STAU2: variants seen among roughly 807,000 people sequenced by gnomAD.
STAU2 encodes the protein staufen double-stranded RNA binding protein 2.
A neutral mutation model predicts 65.9 loss-of-function variants in STAU2; 20 were observed. The observed-to-expected ratio is 0.30, with a 90% CI of 0.21 to 0.44. The LOEUF is 0.44. Ranked by LOEUF, STAU2 falls within the 20% of genes least tolerant of loss-of-function variation. STAU2 has a pLI of 1.00. For synonymous variants in STAU2, 232 were observed against 233.9 expected (o/e 0.99, Z 0.07); for missense variants, 558 against 683.9 (o/e 0.82, Z 2.05).
chr8:73,468,454 T>C (rs1329981135), intron 13 of STAU2, among the ~76,000 whole-genome samples: 1 of 152,042 alleles, frequency 6.6e-6, no homozygotes, highest in Admixed American at 6.6e-5. Flanking sequence ...AATTGACAAA[T>C]GGGATCTAAT....
chr8:73,618,340 T>C (rs1240049577), intron 6 of STAU2, among the ~76,000 whole-genome samples: 1 of 152,040 alleles, frequency 6.6e-6, no homozygotes, highest in East Asian at 1.9e-4. Context: ...ATTGAGAAAA[T>C]ATCAATTGTG....
intron 4 of STAU2, among the ~76,000 whole-genome samples, chr8:73,697,134 A>C (rs1216257640): frequency 6.6e-6 from 1 of 152,048 alleles, no homozygotes; most frequent in African/African-American, 2.4e-5. Context: ...CCTCACTGCA[A>C]CCTCCACCTC....
At chr8:73,570,328 A>G (rs1019722010) in intron 12 of STAU2, among the ~76,000 whole-genome samples, 7 of 152,232 alleles carry the variant, frequency 4.6e-5, no homozygotes, top group Non-Finnish European at 8.8e-5. Context: ...GACCAAATCT[A>G]CGTCTGATTG....
intron 14 of STAU2, 54 bp from the exon 15 acceptor site, chr8:73,421,519 G>A: frequency 1.3e-6 from 2 of 1,510,390 alleles, no homozygotes; most frequent in Non-Finnish European, 1.8e-6. Context: ...CACATCTTCA[G>A]ACATGTTTAT....
chr8:73,614,988 T>TA (rs1293247365), intron 8 of STAU2, among the ~76,000 whole-genome samples: 3 of 152,088 alleles, frequency 2.0e-5, no homozygotes, highest in African/African-American at 7.2e-5. Flanking sequence ...TGCCAATGAG[T>TA]AAGATGTGGG....
intron 13 of STAU2, among the ~76,000 whole-genome samples, chr8:73,542,010 C>CT (rs900472161): frequency 6.6e-6 from 1 of 151,992 alleles, no homozygotes; most frequent in African/African-American, 2.4e-5. Flanking sequence ...AGGTAGAAAA[C>CT]TTTTTTGGAA....
chr8:73,531,021 C>T (rs1805773201), intron 13 of STAU2, among the ~76,000 whole-genome samples: 1 of 152,154 alleles, frequency 6.6e-6, no homozygotes, highest in Non-Finnish European at 1.5e-5. Flanking sequence ...GTAGCAGCTT[C>T]CTCTACCCTA....
intron 13 of STAU2, among the ~76,000 whole-genome samples, chr8:73,522,486 ATGAC>A (rs748967411): frequency 6.6e-6 from 1 of 152,218 alleles, no homozygotes; most frequent in Non-Finnish European, 1.5e-5. Context: ...TAAAAAATAA[ATGAC>A]TGACAAGTTC....
At chr8:73,617,228 A>G in intron 7 of STAU2, 64 bp downstream of exon 7, 1 of 1,555,712 alleles carries the variant, frequency 6.4e-7, no homozygotes, top group Non-Finnish European at 8.7e-7. Context: ...TAATTATAAA[A>G]TGCTCTGATT....
At chr8:73,539,954 C>T (rs1456178803) in intron 13 of STAU2, among the ~76,000 whole-genome samples, 2 of 150,586 alleles carry the variant, frequency 1.3e-5, no homozygotes, top group East Asian at 3.9e-4. Context: ...AATGAAGTCC[C>T]AGAAGGAAAA....
chr8:73,687,243 A>T (rs1485777346), intron 5 of STAU2, among the ~76,000 whole-genome samples: 11 of 105,466 alleles, frequency 1.0e-4, no homozygotes, highest in Admixed American at 5.3e-4. Flanking sequence ...AATTAATTTA[A>T]ATATAAATTA....
intron 6 of STAU2, among the ~76,000 whole-genome samples, chr8:73,631,370 C>A: frequency 1.3e-5 from 2 of 148,286 alleles, no homozygotes; most frequent in African/African-American, 5.0e-5. Flanking sequence ...AGTGAGACCT[C>A]ATCTCTTAAA....
At chr8:73,723,899 T>C (rs143077680) in intron 3 of STAU2, among the ~76,000 whole-genome samples, 2 of 152,366 alleles carry the variant, frequency 1.3e-5, no homozygotes, top group South Asian at 2.1e-4. Context: ...CTGAATGACA[T>C]ACCTTGTTAA....
chr8:73,582,454 T>TA (rs1385131775), intron 12 of STAU2, among the ~76,000 whole-genome samples: 2 of 150,182 alleles, frequency 1.3e-5, no homozygotes, highest in African/African-American at 4.9e-5. Flanking sequence ...TTATATTATT[T>TA]AAATTATTTT....
intron 13 of STAU2, chr8:73,551,811 T>C: frequency 8.0e-7 from 1 of 1,254,820 alleles, no homozygotes; most frequent in Non-Finnish European, 1.0e-6. Context: ...AGCAAAAGAA[T>C]TACTAGATAG....
At chr8:73,739,117 C>T (rs1806646129) in intron 2 of STAU2, among the ~76,000 whole-genome samples, 1 of 151,102 alleles carries the variant, frequency 6.6e-6, no homozygotes, top group South Asian at 2.1e-4. Flanking sequence ...CCTGTAATCT[C>T]AGCTACTCAG....
intron 13 of STAU2, among the ~76,000 whole-genome samples, chr8:73,452,855 G>A (rs1469840064): frequency 6.6e-6 from 1 of 152,154 alleles, no homozygotes; most frequent in Non-Finnish European, 1.5e-5. Context: ...CTAATTTATA[G>A]CACCGTAAAG....
rs72659432 is a variant in STAU2, at chr8:73,421,078, C to T, written c.*294G>A. 1 of 291,998 alleles carries T rather than the reference C, an allele frequency of 3.4e-6. No individual in the cohort carries two copies. 18.1% of individuals were successfully genotyped at this position (291,998 alleles called of 1,614,324 possible). A position where few individuals can be genotyped will look rare whatever the true frequency, so the allele number is the denominator to read the frequency against. On this transcript the variant is annotated 3_prime_UTR_variant, in exon 15 of 15. Coordinates refer to ENST00000524300, the MANE Select transcript of STAU2 (RefSeq NM_001164380.2). ...TCATGTTAAAATTTTAGCTTTGTTT[C>T]TAACACTTTTCTTTACTTGTTATTT...
chr8:73,438,746 G>C (rs1389280567), intron 13 of STAU2, among the ~76,000 whole-genome samples: 1 of 152,184 alleles, frequency 6.6e-6, no homozygotes, highest in African/African-American at 2.4e-5. Context: ...GGCTGTGTAG[G>C]CCTCTCATCT....
Sources: allele counts gnomAD v4.1 joint callset (sites outside exome capture counted in the v4.1 genomes callset), GRCh38; gene constraint gnomAD v4.1.1; transcripts MANE v1.5; gene names NCBI Gene and HGNC (gene_info 2026-07-23, HGNC 2026-07-21).